Variants in PDE1C observed in about 807,000 individuals in gnomAD.
The protein encoded by PDE1C is phosphodiesterase 1C, also known as dual specificity calcium/calmodulin-dependent 3',5'-cyclic nucleotide phosphodiesterase 1C.
PDE1C carries 62 observed loss-of-function variants against 93.1 expected under a neutral mutation model. The observed-to-expected ratio is 0.67, with a 90% CI of 0.54 to 0.82. The LOEUF (loss-of-function observed/expected upper bound fraction) is 0.82. Ranked by LOEUF, PDE1C falls within the 40% of genes least tolerant of loss-of-function variation. The pLI is 0.00. For missense variants in PDE1C, 742 were observed against 884.6 expected (o/e 0.84, Z 2.04); for synonymous variants, 325 against 310.1 (o/e 1.05, Z -0.50).
chr7:31,826,406 T>C (rs968891434), intron 12 of PDE1C, among the ~76,000 whole-genome samples: 2 of 152,188 alleles, frequency 1.3e-5, no homozygotes, highest in Non-Finnish European at 1.5e-5. Context: ...AGTGTTGTAA[T>C]TGTGTATGTG....
chr7:31,621,050 T>C, the PDE1C span, among the ~76,000 whole-genome samples: 18 of 151,190 alleles, frequency 1.2e-4, no homozygotes, highest in African/African-American at 3.9e-4. Context: ...GAAGGGAAGT[T>C]TAGAGAAAAA....
At chr7:31,852,854 A>AG (rs993522913) in intron 7 of PDE1C, among the ~76,000 whole-genome samples, 7 of 37,966 alleles carry the variant, frequency 1.8e-4, no homozygotes, top group Admixed American at 3.0e-4. Flanking sequence ...TTACATATGC[A>AG]GTTTTTTTTC....
the PDE1C span, chr7:31,651,877 A>C: frequency 4.3e-6 from 5 of 1,163,668 alleles, no homozygotes; most frequent in Non-Finnish European, 6.3e-6. Context: ...ATGAGGTGAC[A>C]ATGGAAGATT....
the PDE1C span, among the ~76,000 whole-genome samples, chr7:31,724,865 C>A: frequency 6.6e-6 from 1 of 152,292 alleles, no homozygotes; most frequent in Non-Finnish European, 1.5e-5. Context: ...ACCGCCCTTT[C>A]TGAAAGTCTT....
At chr7:32,276,759 C>T (rs1236651783) in intron 1 of PDE1C, among the ~76,000 whole-genome samples, 2 of 152,116 alleles carry the variant, frequency 1.3e-5, no homozygotes, top group East Asian at 1.9e-4. Context: ...ACATAGCACC[C>T]GGTCCACAAG....
At chr7:32,340,608 T>C in intron 1 of PDE1C, among the ~76,000 whole-genome samples, 1 of 152,310 alleles carries the variant, frequency 6.6e-6, no homozygotes, top group Admixed American at 6.5e-5. Flanking sequence ...TTTTAAAAAA[T>C]GCTCTGATAA....
chr7:32,323,020 T>A (rs1783330483), intron 1 of PDE1C, among the ~76,000 whole-genome samples: 2 of 152,152 alleles, frequency 1.3e-5, no homozygotes, highest in Admixed American at 1.3e-4. Flanking sequence ...TGGGAGGGTC[T>A]GGTAGGAATT....
At chr7:31,850,513 AG>A in intron 8 of PDE1C, 127 bp downstream of exon 8, 1 of 674,330 alleles carries the variant, frequency 1.5e-6, no homozygotes, top group Non-Finnish European at 2.7e-6. Flanking sequence ...TCTCATTTAG[AG>A]GTTCATTGTT....
At chr7:31,783,924 A>T (rs1490613333) in intron 16 of PDE1C, 2 of 152,228 alleles carry the variant, frequency 1.3e-5, no homozygotes, top group African/African-American at 4.8e-5. Flanking sequence ...ATGAAATCAA[A>T]ACAAGTCCAT....
chr7:31,927,575 C>T (rs1204435352), intron 2 of PDE1C, among the ~76,000 whole-genome samples: 1 of 152,200 alleles, frequency 6.6e-6, no homozygotes, highest in Non-Finnish European at 1.5e-5. Context: ...AGGTGTCCCT[C>T]TGGGACAAAG....
chr7:32,345,805 C>A (rs1166928640), intron 1 of PDE1C, among the ~76,000 whole-genome samples: 1 of 152,152 alleles, frequency 6.6e-6, no homozygotes, highest in Non-Finnish European at 1.5e-5. Flanking sequence ...TGAGATACCA[C>A]CACACCCTCT....
chr7:32,111,746 T>C (rs1295114693), intron 3 of PDE1C, among the ~76,000 whole-genome samples: 1 of 152,166 alleles, frequency 6.6e-6, no homozygotes, highest in Non-Finnish European at 1.5e-5. Context: ...ATGTGGAGAT[T>C]GGTAGCTCAC....
intron 1 of PDE1C, among the ~76,000 whole-genome samples, chr7:32,404,750 T>A (rs1160256314): frequency 6.6e-6 from 1 of 152,202 alleles, no homozygotes; most frequent in African/African-American, 2.4e-5. Context: ...TGGAGCTATT[T>A]GGTTTTCCTT....
At chr7:32,202,740 A>G (rs1805104145) in intron 2 of PDE1C, among the ~76,000 whole-genome samples, 1 of 152,112 alleles carries the variant, frequency 6.6e-6, no homozygotes, top group Non-Finnish European at 1.5e-5. Flanking sequence ...GGGAGCTTCG[A>G]GAGGATGATT....
the PDE1C span, among the ~76,000 whole-genome samples, chr7:31,686,480 G>T: frequency 6.6e-6 from 1 of 152,190 alleles, no homozygotes; most frequent in Non-Finnish European, 1.5e-5. Flanking sequence ...ATAACCTATA[G>T]AGTTGGGGGC....
At chr7:32,148,005 A>AAAAAAAAAAAAAAAAAT (rs56229348) in intron 3 of PDE1C, among the ~76,000 whole-genome samples, 1 of 146,482 alleles carries the variant, frequency 6.8e-6, no homozygotes, top group Non-Finnish European at 1.5e-5. Flanking sequence ...AAAAAAAAAA[A>AAAAAAAAAAAAAAAAAT]GCCTAACCTT....
chr7:32,064,695 T>C (rs1795178281), intron 1 of PDE1C, among the ~76,000 whole-genome samples: 2 of 152,138 alleles, frequency 1.3e-5, no homozygotes, highest in Admixed American at 6.5e-5. Context: ...AAAATATATA[T>C]ATATTTCTCT....
chr7:31,735,853 C>T, the PDE1C span, among the ~76,000 whole-genome samples: 2 of 152,146 alleles, frequency 1.3e-5, no homozygotes, highest in Admixed American at 1.3e-4. Context: ...AGATCGGTTT[C>T]AGGACCTCCT....
chr7:32,289,994 C>T (rs1308130942), intron 1 of PDE1C, among the ~76,000 whole-genome samples: 2 of 152,162 alleles, frequency 1.3e-5, no homozygotes, highest in Non-Finnish European at 2.9e-5. Context: ...TGCTTTGGAC[C>T]CTTGTCCAGA....
Sources: allele counts gnomAD v4.1 joint callset (sites outside exome capture counted in the v4.1 genomes callset), GRCh38; gene constraint gnomAD v4.1.1; transcripts MANE v1.5; gene names NCBI Gene and HGNC (gene_info 2026-07-23, HGNC 2026-07-21).